Variants in VPS9D1 observed in about 807,000 individuals in gnomAD.
VPS9D1 encodes the protein VPS9 domain-containing protein 1.
Under a neutral mutation model 75.8 loss-of-function variants are expected in VPS9D1, and 78 were observed. The observed-to-expected ratio is 1.03, with a 90% confidence interval of 0.86 to 1.24. The LOEUF (loss-of-function observed/expected upper bound fraction) is 1.24. Ranked by LOEUF, VPS9D1 falls within the 50% of genes most tolerant of loss-of-function variation. The pLI is 0.00. For missense variants in VPS9D1, 1,057 were observed against 847.7 expected (o/e 1.25, Z -3.07); for synonymous variants, 481 against 385.6 (o/e 1.25, Z -2.90).
Position 89,710,448 on chromosome 16 carries a change from C to G in VPS9D1, c.1258+138G>C, listed in dbSNP as rs149451583. On this transcript the variant is annotated intron_variant, in intron 10 of 14. Coordinates refer to ENST00000389386, the MANE Select transcript of VPS9D1 (RefSeq NM_004913.3). The stretch of plus-strand genomic sequence containing the variant: ...CACACTGTTTCCAAAATGAGAAGGG[C>G]TGAGGCGTGAGCTGGGTGGATGTAA... 104 of 934,260 alleles carry G rather than the reference C, an allele frequency of 1.1e-4. No individual in the cohort carries two copies. The African/African-American group carries it at 1.5e-3, about 13-fold the overall frequency. 57.9% of individuals were successfully genotyped at this position (934,260 alleles called of 1,614,324 possible). A position where few individuals can be genotyped will look rare whatever the true frequency, so the allele number is the denominator to read the frequency against.
chr16:89,712,599 A>C lies in VPS9D1; in HGVS notation c.543+6T>G, dbSNP rs777860825. On this transcript the variant is annotated splice_donor_region_variant and intron_variant, in intron 5 of 14. Coordinates refer to ENST00000389386, the MANE Select transcript of VPS9D1 (RefSeq NM_004913.3). ...CACCCCCAGGCCCTCCCTAGCCCCC[A>C]CTCACCAGGGATGTCTTCTGCATGG... is the stretch of plus-strand genomic sequence containing the variant. 3 of 1,607,698 alleles carry C rather than the reference A, an allele frequency of 1.9e-6. No homozygotes were observed. Among genetic ancestry groups the C allele is most frequent in the Non-Finnish European group, 1.7e-6 (2 of 1,177,690 alleles).
At chr16:89,712,249 C>A in intron 6 of VPS9D1, 150 bp from the exon 7 acceptor site, 1 of 1,367,520 alleles carries the variant, frequency 7.3e-7, no homozygotes. Context: ...AGAAGGCAGC[C>A]TGCGCTCAAG....
intron 7 of VPS9D1, 38 bp from the exon 8 acceptor site, chr16:89,712,007 C>G (rs2060942169): frequency 1.3e-6 from 2 of 1,549,308 alleles, no homozygotes; most frequent in Non-Finnish European, 8.7e-7. Flanking sequence ...CGGGGCCAGG[C>G]CCTCCCCGCA....
chr16:89,718,902 A>T (rs2061160962), intron 2 of VPS9D1, 125 bp downstream of exon 2: 1 of 762,604 alleles, frequency 1.3e-6, no homozygotes, highest in East Asian at 2.7e-5. Flanking sequence ...TTTAGTAGAG[A>T]CGGGGTTTCA....
chr16:89,716,842 G>A lies in VPS9D1; in HGVS notation c.176-20C>T, dbSNP rs199529268. 15 of 1,576,430 alleles carry A rather than the reference G, an allele frequency of 9.5e-6. No homozygotes were observed. In the East Asian group the frequency reaches 1.4e-4, roughly 14 times the overall value. On this transcript the variant is annotated intron_variant, in intron 2 of 14. Coordinates refer to ENST00000389386, the MANE Select transcript of VPS9D1 (RefSeq NM_004913.3). ...CAGCTTCTGGGGGAGGGACAAGAAG[G>A]CTGGTCACAGTCGGCTCTACCACTG...
chr16:89,708,588 C>A, intron 13 of VPS9D1, 57 bp from the exon 14 acceptor site: 1 of 1,543,292 alleles, frequency 6.5e-7, no homozygotes, highest in Admixed American at 1.8e-5. Flanking sequence ...ACTCCGCAAA[C>A]CCAGCAGCTG....
At position 89,708,007 on chromosome 16, in the gene VPS9D1, C is replaced by T. The variant is rs1221643697; in HGVS notation, c.1803-53G>A. ...TCATCTGAACGAACAGAAGGATACCCCCGGCCCTCCAGAAGGTAGTGTCTG... is the reference window on the plus strand; with the variant it reads ...TCATCTGAACGAACAGAAGGATACCTCCGGCCCTCCAGAAGGTAGTGTCTG... On this transcript the variant is annotated intron_variant, in intron 14 of 14. Transcript: ENST00000389386. 5.8e-6 allele frequency: 9 copies of T among 1,540,524 alleles called. No homozygotes were observed. In the Admixed American group the frequency reaches 1.2e-4, roughly 20 times the overall value.
chr16:89,719,504 A>G (rs2061184561), intron 1 of VPS9D1: 1 of 375,176 alleles, frequency 2.7e-6, no homozygotes, highest in Non-Finnish European at 5.3e-6. Flanking sequence ...CTCAAGGGTG[A>G]TTCATTCAGT....
chr16:89,717,612 C>T (rs771847707), intron 2 of VPS9D1: 2 of 456,514 alleles, frequency 4.4e-6, no homozygotes, highest in Non-Finnish European at 8.8e-6. Context: ...ATTTTCTCAT[C>T]CCGCCCCGAT....
Position 89,707,954 on chromosome 16 carries a change from C to A in VPS9D1, c.1803G>T (p.Gly601=), listed in dbSNP as rs1597898298. ...AGTAGCCCTCCTCTCCGATCAGGTA[C>A]CTGCATGGATGGCAGGGGCAGCCGG... ...CAALEEFIHE[G]YLIGEEGYCL... The change falls in exon 15 of 15, where the codon GGG becomes GGT. Residue 601 remains glycine (G), a splice_region_variant and synonymous_variant. Transcript: ENST00000389386. 6.2e-7 allele frequency: 1 copy of A among 1,612,752 alleles called. No individual in the cohort carries two copies. The highest frequency in any genetic ancestry group is 1.3e-5 in the African/African-American group (1 of 74,928).
rs773392944 is a variant in VPS9D1 at position 89,716,464 on chromosome 16, C to T, written c.429G>A (p.Lys143=). ...KLQGAESQSC[K]KELTPLEEAS... ...ACCTCCCATCTTGTCCATCTTACTT[C>T]TTACAGCTTTGTGACTCTGCCCCCT... The change falls in exon 4 of 15, where the codon AAG becomes AAA. Residue 143 remains lysine (K), a splice_region_variant and synonymous_variant. Transcript: ENST00000389386. 6.2e-7 allele frequency: 1 copy of T among 1,614,020 alleles called. No homozygotes were observed. Among genetic ancestry groups the T allele is most frequent in the Non-Finnish European group, 8.5e-7 (1 of 1,180,002 alleles).
chr16:89,716,159 G>T (rs1453970754), intron 4 of VPS9D1, among the ~76,000 whole-genome samples: 1 of 152,038 alleles, frequency 6.6e-6, no homozygotes, highest in Admixed American at 6.5e-5. Flanking sequence ...GAGGTCAGGA[G>T]ATCGAAACCA....
intron 2 of VPS9D1, chr16:89,718,306 A>G (rs2061139316): frequency 2.9e-6 from 1 of 346,496 alleles, no homozygotes; most frequent in Admixed American, 3.9e-5. Context: ...TCCTCACCTG[A>G]GGCTCCACTC....
At chr16:89,710,010 C>G (rs533780492) in intron 10 of VPS9D1, 104 bp from the exon 11 acceptor site, 1 of 1,478,106 alleles carries the variant, frequency 6.8e-7, no homozygotes, top group East Asian at 2.3e-5. Flanking sequence ...CTCTTTCCAC[C>G]GCCTTCAAGC....
chr16:89,711,999 G>A, intron 7 of VPS9D1, 30 bp from the exon 8 acceptor site: 1 of 1,549,560 alleles, frequency 6.5e-7, no homozygotes, highest in Non-Finnish European at 8.7e-7. Context: ...GTGGGTGCCG[G>A]GGCCAGGCCC....
Position 89,710,614 on chromosome 16 carries a change from G to C in VPS9D1, c.1230C>G (p.Thr410=), listed in dbSNP as rs369064538. Residue 410 remains threonine, a synonymous_variant, in exon 10 of 15, where the codon ACC becomes ACG. Coordinates refer to ENST00000389386, the MANE Select transcript of VPS9D1 (RefSeq NM_004913.3). Reference sequence around the variant, plus strand: ...CGGCATTGTGGATCTCCTCCACCGCGGTCTTCAGCTGCTGCAGCTGGGGCT... The same window carrying C: ...CGGCATTGTGGATCTCCTCCACCGCCGTCTTCAGCTGCTGCAGCTGGGGCT... ...QPEPQLQQLK[T]AVEEIHNAVD... is the part of the protein sequence containing the mutation. 12 of 1,607,230 alleles carry C rather than the reference G, an allele frequency of 7.5e-6. No individual in the cohort carries two copies. The Middle Eastern group carries it at 9.9e-4, about 133-fold the overall frequency.
Position 89,717,465 on chromosome 16 carries a change from C to A in VPS9D1, c.176-643G>T, listed in dbSNP as rs1360576512. 4 of 428,592 alleles carry A rather than the reference C, an allele frequency of 9.3e-6. No homozygotes were observed. The Admixed American group carries it at 9.9e-5, about 11-fold the overall frequency. The allele number at this position is 428,592 out of a possible 1,614,324, so 26.5% of individuals were successfully genotyped here. On this transcript the variant is annotated intron_variant, in intron 2 of 14. Coordinates refer to ENST00000389386, the MANE Select transcript of VPS9D1 (RefSeq NM_004913.3). ...CGTAGCTTGGCATGGAGCACCTCTGCGCGACCATGGACCTGCTCACACAGC... is the reference window on the plus strand; with the variant it reads ...CGTAGCTTGGCATGGAGCACCTCTGAGCGACCATGGACCTGCTCACACAGC...
Position 89,707,581 on chromosome 16 carries a change from C to A in VPS9D1, c.*280G>T. The A allele has an allele frequency of 2.7e-6, 1 of 375,876 alleles. No homozygotes were observed. The highest frequency in any genetic ancestry group is 4.9e-6 in the Non-Finnish European group (1 of 205,220). 23.3% of individuals were successfully genotyped at this position (375,876 alleles called of 1,614,324 possible). The stretch of plus-strand genomic sequence containing the variant: ...GAAGCCCAAAGCTTCCCTTCTTGGC[C>A]TCTCTGAGGCCTACACAGGAGAGCA... On this transcript the variant is annotated 3_prime_UTR_variant, in exon 15 of 15. Coordinates refer to ENST00000389386, the MANE Select transcript of VPS9D1 (RefSeq NM_004913.3).
Position 89,709,354 on chromosome 16 carries a change from G to T in VPS9D1, c.1470C>A (p.Ile490=). The stretch of plus-strand genomic sequence containing the variant: ...GGTTCTGGGGGAGGAGCTTGGTGGG[G>T]ATGCCAATGGCGGTGGGGGGTGCAT... ...YRNAPPTAIG[I]PTKLLPQNPE... The change falls in exon 12 of 15, where the codon ATC becomes ATA. Residue 490 remains isoleucine (I), a synonymous_variant. Coordinates refer to ENST00000389386, the MANE Select transcript of VPS9D1 (RefSeq NM_004913.3). The T allele has an allele frequency of 6.3e-7, 1 of 1,584,326 alleles. No individual in the cohort carries two copies. The highest frequency in any genetic ancestry group is 8.6e-7 in the Non-Finnish European group (1 of 1,168,304).
Sources: allele counts gnomAD v4.1 joint callset (sites outside exome capture counted in the v4.1 genomes callset), GRCh38; gene constraint gnomAD v4.1.1; transcripts MANE v1.5; gene names NCBI Gene and HGNC (gene_info 2026-07-23, HGNC 2026-07-21).